The following ARL15 variants were observed in gnomAD, a reference collection of about 807,000 sequenced individuals.
ARL15 encodes the protein ADP-ribosylation factor-like protein 15.
A neutral mutation model predicts 25.2 loss-of-function variants in ARL15; 19 were observed. The observed-to-expected ratio is 0.75, with a 90% CI of 0.53 to 1.10. ARL15 has a LOEUF of 1.10. Ranked by LOEUF, ARL15 falls within the 50% of genes least tolerant of loss-of-function variation. ARL15 has a pLI of 0.00. For synonymous variants in ARL15, 94 were observed against 86.8 expected (o/e 1.08, Z -0.46); for missense variants, 220 against 246.0 (o/e 0.89, Z 0.71).
Position 54,034,003 on chromosome 5 carries a change from C to T in ARL15, c.462+79199G>A, listed in dbSNP as rs549129976. ...TAATTTTTTATATTTTTAGTAAAGA[C>T]GGGGTTTCACCGTGTTAGCCAGGAT... On this transcript the variant is annotated intron_variant, in intron 4 of 4. Transcript: ENST00000504924. Among the ~76,000 whole-genome samples the T allele has an allele frequency of 2.0e-5, 3 of 152,056 alleles. No homozygotes were observed. The South Asian group carries it at 6.2e-4, about 32-fold the overall frequency.
intron 1 of ARL15, among the ~76,000 whole-genome samples, chr5:54,276,832 G>A (rs1449432003): frequency 6.6e-6 from 1 of 152,146 alleles, no homozygotes; most frequent in Non-Finnish European, 1.5e-5. Flanking sequence ...TGCCAGAAGG[G>A]GCCATGAGCT....
chr5:54,135,774 G>C (rs1753583840), intron 3 of ARL15, among the ~76,000 whole-genome samples: 1 of 152,210 alleles, frequency 6.6e-6, no homozygotes, highest in Non-Finnish European at 1.5e-5. Context: ...ACAGGTTTGA[G>C]CAAGAAATGT....
chr5:54,174,525 T>A (rs1182206564), intron 1 of ARL15, among the ~76,000 whole-genome samples: 1 of 152,188 alleles, frequency 6.6e-6, no homozygotes, highest in Non-Finnish European at 1.5e-5. Flanking sequence ...GCTAATTGTA[T>A]TTCCTCTCAG....
intron 4 of ARL15, among the ~76,000 whole-genome samples, chr5:54,014,715 G>A (rs907000163): frequency 4.6e-5 from 7 of 151,568 alleles, no homozygotes; most frequent in Admixed American, 1.3e-4. Context: ...TAATAGAGAC[G>A]GGGTTTCGCC....
At chr5:54,186,050 T>G (rs1755226997) in intron 1 of ARL15, among the ~76,000 whole-genome samples, 1 of 151,972 alleles carries the variant, frequency 6.6e-6, no homozygotes, top group South Asian at 2.1e-4. Context: ...CCCCTAAAGG[T>G]GAAGAAAACC....
chr5:54,263,476 A>G (rs1263478435), intron 1 of ARL15, among the ~76,000 whole-genome samples: 1 of 152,200 alleles, frequency 6.6e-6, no homozygotes, highest in African/African-American at 2.4e-5. Flanking sequence ...GAAAGGGAGC[A>G]TTTTAATCAC....
In ARL15 at chr5:53,938,249, TAA is replaced by T. The variant is rs3839227; in HGVS notation, c.463-51538_463-51537del. Among the ~76,000 whole-genome samples, 962 of 149,036 alleles carry T rather than the reference TAA, an allele frequency of 6.5e-3. 10 individuals are homozygous for T. Among genetic ancestry groups the T allele is most frequent in the African/African-American group, 0.021 (861 of 40,758 alleles). On this transcript the variant is annotated intron_variant, in intron 4 of 4. Coordinates refer to ENST00000504924, the MANE Select transcript of ARL15 (RefSeq NM_019087.3). ...TATTTCTCCTTGGTTAACATTCTGC[TAA>T]AAAAAAAAAAATCAAAATTTTAAAC...
intron 1 of ARL15, among the ~76,000 whole-genome samples, chr5:54,177,238 G>A (rs1324690858): frequency 1.3e-5 from 2 of 152,172 alleles, no homozygotes; most frequent in Non-Finnish European, 2.9e-5. Context: ...TTCTAGTGCT[G>A]TATTTGAGGA....
chr5:54,001,463 T>A (rs927048899), intron 4 of ARL15, among the ~76,000 whole-genome samples: 17 of 152,186 alleles, frequency 1.1e-4, no homozygotes, highest in African/African-American at 3.6e-4. Flanking sequence ...ATCTATCTGG[T>A]TTCCAGAACA....
intron 4 of ARL15, among the ~76,000 whole-genome samples, chr5:53,946,421 G>T (rs1187294474): frequency 8.1e-6 from 1 of 123,208 alleles, no homozygotes; most frequent in Admixed American, 1.1e-4. Context: ...CTGCACTCCA[G>T]TCTGGGCGAC....
At chr5:53,895,317 T>C (rs1167173252) in intron 4 of ARL15, among the ~76,000 whole-genome samples, 1 of 152,232 alleles carries the variant, frequency 6.6e-6, no homozygotes, top group Non-Finnish European at 1.5e-5. Context: ...CGACTTCGGA[T>C]GCTTTGAACT....
chr5:54,172,488 A>G (rs1190793867), intron 1 of ARL15, among the ~76,000 whole-genome samples: 1 of 152,176 alleles, frequency 6.6e-6, no homozygotes, highest in East Asian at 1.9e-4. Flanking sequence ...TGCATATTAG[A>G]TAAGAGTACT....
At chr5:54,263,389 A>C (rs558145811) in intron 1 of ARL15, among the ~76,000 whole-genome samples, 2 of 152,326 alleles carry the variant, frequency 1.3e-5, no homozygotes, top group East Asian at 3.9e-4. Flanking sequence ...ACTTTTGTTT[A>C]AAGATTTTTC....
intron 4 of ARL15, among the ~76,000 whole-genome samples, chr5:53,968,592 A>G (rs766363771): frequency 6.6e-6 from 1 of 152,140 alleles, no homozygotes; most frequent in Non-Finnish European, 1.5e-5. Context: ...GTCCTACTCA[A>G]TTAGCAGCAT....
chr5:53,928,762 C>T lies in ARL15; in HGVS notation c.463-42049G>A, dbSNP rs182207962. Among the ~76,000 whole-genome samples, 471 of 152,274 alleles carry T rather than the reference C, an allele frequency of 3.1e-3. 2 individuals carry two copies. Among genetic ancestry groups the T allele is most frequent in the Middle Eastern group, 0.024 (7 of 294 alleles). On this transcript the variant is annotated intron_variant, in intron 4 of 4. Coordinates refer to ENST00000504924, the MANE Select transcript of ARL15 (RefSeq NM_019087.3). ...ATTGGTTCAAGAATATTATACAATG[C>T]TCAGCAGAGCTCCCACAGAGCTTCT...
intron 3 of ARL15, among the ~76,000 whole-genome samples, chr5:54,128,756 A>G (rs1337303846): frequency 7.5e-6 from 1 of 132,704 alleles, no homozygotes; most frequent in Non-Finnish European, 1.5e-5. Context: ...CCCAGACTGT[A>G]GTGCAATGGC....
At chr5:54,120,223 G>A (rs1753030699) in intron 3 of ARL15, among the ~76,000 whole-genome samples, 2 of 152,108 alleles carry the variant, frequency 1.3e-5, no homozygotes, top group South Asian at 4.2e-4. Context: ...AAAGTTATTA[G>A]CAACTAATTT....
At chr5:54,054,280 T>C (rs920424883) in intron 4 of ARL15, among the ~76,000 whole-genome samples, 2 of 152,232 alleles carry the variant, frequency 1.3e-5, no homozygotes, top group South Asian at 4.1e-4. Flanking sequence ...AGTTTGCTTA[T>C]TTTTGAGCTT....
chr5:54,113,469 TCCC>T, intron 3 of ARL15, 59 bp from the exon 4 acceptor site: 1 of 1,511,878 alleles, frequency 6.6e-7, no homozygotes, highest in Non-Finnish European at 9.1e-7. Context: ...TGAAAAATGT[TCCC>T]AACAGTAATT....
Sources: gnomAD v4.1 joint callset for allele counts (sites outside exome capture counted in the v4.1 genomes callset) on GRCh38, gnomAD v4.1.1 for gene constraint, MANE v1.5 for transcripts, NCBI Gene and HGNC (gene_info 2026-07-23, HGNC 2026-07-21) for gene names.